The following MTA3 variants were observed in gnomAD, a reference collection of about 807,000 sequenced individuals.
MTA3 encodes metastasis-associated protein MTA3.
Under a neutral mutation model 83.5 loss-of-function variants are expected in MTA3, and 34 were observed. The observed-to-expected ratio is 0.41, with a 90% CI of 0.31 to 0.54. The LOEUF is 0.54. Ranked by LOEUF, MTA3 falls within the 20% of genes least tolerant of loss-of-function variation. The probability of loss-of-function intolerance (pLI) is 0.33; values close to 1 mark genes in which losing one functional copy is unlikely to be tolerated. For synonymous variants in MTA3, 303 were observed against 252.7 expected, an observed-to-expected ratio of 1.20 and a Z score of -1.89; for missense variants, 761 against 726.4, an observed-to-expected ratio of 1.05 and a Z score of -0.55.
intron 12 of MTA3, among the ~76,000 whole-genome samples, chr2:42,705,096 A>G (rs917863351): frequency 1.1e-4 from 17 of 152,190 alleles, no homozygotes; most frequent in African/African-American, 4.1e-4. Context: ...CATGTAGCCT[A>G]CTGCCTTCAG....
chr2:42,585,418 T>C (rs1004671069), intron 3 of MTA3, among the ~76,000 whole-genome samples: 1 of 151,692 alleles, frequency 6.6e-6, no homozygotes, highest in Non-Finnish European at 1.5e-5. Context: ...AAGAAAAACA[T>C]TGTAAGTTGA....
chr2:42,543,920 G>C (rs904922248), intron 2 of MTA3, among the ~76,000 whole-genome samples: 1 of 151,500 alleles, frequency 6.6e-6, no homozygotes, highest in Admixed American at 6.6e-5. Flanking sequence ...CAAACTCTTG[G>C]GCTCAAGTGG....
At chr2:42,744,867 G>A (rs1354880197) in intron 16 of MTA3, among the ~76,000 whole-genome samples, 2 of 152,174 alleles carry the variant, frequency 1.3e-5, no homozygotes, top group Admixed American at 1.3e-4. Flanking sequence ...GCATCCCCCT[G>A]AGCAATCTGT....
At chr2:42,641,552 A>T (rs1223885213) in intron 5 of MTA3, among the ~76,000 whole-genome samples, 2 of 152,166 alleles carry the variant, frequency 1.3e-5, no homozygotes, top group African/African-American at 4.8e-5. Context: ...CATTGTATTA[A>T]ATTTTTTTTT....
intron 16 of MTA3, among the ~76,000 whole-genome samples, chr2:42,728,425 C>A (rs537660728): frequency 1.3e-5 from 2 of 152,120 alleles, no homozygotes; most frequent in Non-Finnish European, 2.9e-5. Flanking sequence ...CTCTTCAATA[C>A]GCTGATTTCT....
chr2:42,601,361 G>C (rs1224367291), intron 3 of MTA3, among the ~76,000 whole-genome samples: 1 of 152,196 alleles, frequency 6.6e-6, no homozygotes, highest in African/African-American at 2.4e-5. Context: ...ACAGAGGCAA[G>C]ACCTTTTTGT....
At chr2:42,738,465 C>T (rs556982198) in intron 16 of MTA3, among the ~76,000 whole-genome samples, 14 of 152,246 alleles carry the variant, frequency 9.2e-5, no homozygotes, top group South Asian at 8.3e-4. Flanking sequence ...TTCCTATGCC[C>T]GTCTTTACTT....
chr2:42,553,443 G>A, intron 2 of MTA3, among the ~76,000 whole-genome samples: 1 of 143,170 alleles, frequency 7.0e-6, no homozygotes, highest in East Asian at 2.1e-4. Context: ...AAAAAATTAG[G>A]CTGGGTGTTG....
chr2:42,753,253 A>G (rs1215375382), intron 16 of MTA3, 121 bp from the exon 17 acceptor site: 3 of 1,509,392 alleles, frequency 2.0e-6, no homozygotes, highest in Non-Finnish European at 1.8e-6. Flanking sequence ...TCTTTGACCT[A>G]CTGCTGAGCC....
At chr2:42,672,578 G>A (rs376854772) in intron 8 of MTA3, among the ~76,000 whole-genome samples, 2 of 147,726 alleles carry the variant, frequency 1.4e-5, no homozygotes, top group East Asian at 4.0e-4. Context: ...CTGGGAGGTG[G>A]AGATTGCGGT....
chr2:42,706,549 G>A (rs1666100359), intron 12 of MTA3, among the ~76,000 whole-genome samples: 1 of 152,116 alleles, frequency 6.6e-6, no homozygotes, highest in Admixed American at 6.5e-5. Context: ...ATATCTTCAT[G>A]TGCTGTTTGA....
chr2:42,657,392 G>T (rs1014355718), intron 7 of MTA3, among the ~76,000 whole-genome samples: 1 of 152,194 alleles, frequency 6.6e-6, no homozygotes, highest in African/African-American at 2.4e-5. Flanking sequence ...CACTTGATGA[G>T]CATTGTAAAG....
At chr2:42,712,275 T>A (rs1474538879) in intron 14 of MTA3, among the ~76,000 whole-genome samples, 2 of 152,036 alleles carry the variant, frequency 1.3e-5, no homozygotes, top group African/African-American at 4.8e-5. Context: ...GGTGGGAAGA[T>A]TTACCACTCT....
chr2:42,504,945 C>A (rs1212183582), intron 2 of MTA3, among the ~76,000 whole-genome samples: 1 of 152,148 alleles, frequency 6.6e-6, no homozygotes, highest in Non-Finnish European at 1.5e-5. Context: ...TCATGCTGCC[C>A]TGTTGGACTG....
At chr2:42,668,045 G>C (rs934928142) in intron 8 of MTA3, among the ~76,000 whole-genome samples, 15 of 152,332 alleles carry the variant, frequency 9.8e-5, no homozygotes, top group African/African-American at 3.6e-4. Context: ...CTCATCAGCA[G>C]TGGTAGTAAT....
chr2:42,638,354 C>G (rs913631115), intron 4 of MTA3, among the ~76,000 whole-genome samples: 1 of 151,904 alleles, frequency 6.6e-6, no homozygotes, highest in African/African-American at 2.4e-5. Context: ...AGTTGCAATT[C>G]TGTCCGTTAT....
At chr2:42,542,426 G>C (rs1351105121) in intron 2 of MTA3, among the ~76,000 whole-genome samples, 1 of 152,140 alleles carries the variant, frequency 6.6e-6, no homozygotes, top group Non-Finnish European at 1.5e-5. Context: ...TCTTTAGAGG[G>C]ACAGAACCAA....
At chr2:42,574,888 G>A (rs78239941) in intron 2 of MTA3, among the ~76,000 whole-genome samples, 3,685 of 152,310 alleles carry the variant, frequency 0.024, 132 homozygotes, top group African/African-American at 0.082. Flanking sequence ...AGACCACCAA[G>A]TGAAGAGAAT....
At chr2:42,512,860 C>T (rs1047710572) in intron 2 of MTA3, among the ~76,000 whole-genome samples, 1 of 152,142 alleles carries the variant, frequency 6.6e-6, no homozygotes, top group Middle Eastern at 3.2e-3. Context: ...GTTCTTTGTG[C>T]TTTCACCCTA....
Sources: allele counts gnomAD v4.1 joint callset (sites outside exome capture counted in the v4.1 genomes callset), GRCh38; gene constraint gnomAD v4.1.1; transcripts MANE v1.5; gene names NCBI Gene and HGNC (gene_info 2026-07-23, HGNC 2026-07-21).